Variants in TET1 observed in about 807,000 individuals in gnomAD.
TET1 encodes tet methylcytosine dioxygenase 1, also known as methylcytosine dioxygenase TET1.
TET1 carries 13 observed loss-of-function variants against 148.7 expected under a neutral mutation model. That is an observed-to-expected ratio of 0.09 (90% confidence interval 0.06 to 0.14). TET1 has a LOEUF of 0.14. Ranked by LOEUF, TET1 falls within the 10% of genes least tolerant of loss-of-function variation. TET1 has a pLI of 1.00. For missense variants in TET1, 2,182 were observed against 2,553.8 expected, an observed-to-expected ratio of 0.85 and a Z score of 3.14; for synonymous variants, 907 against 937.2, an observed-to-expected ratio of 0.97 and a Z score of 0.59.
chr10:68,657,782 T>G (rs1192836723), intron 6 of TET1, among the ~76,000 whole-genome samples: 2 of 149,184 alleles, frequency 1.3e-5, no homozygotes, highest in African/African-American at 4.9e-5. Context: ...ACGCTTAAAC[T>G]TTAGGTAGAG....
chr10:68,566,824 T>TC (rs386361899), intron 1 of TET1, among the ~76,000 whole-genome samples: 28,283 of 82,800 alleles, frequency 0.34, 3,061 homozygotes, highest in Non-Finnish European at 0.47. Flanking sequence ...TCTCTCTCTC[T>TC]TTTTTTTTTT....
chr10:68,683,558 G>A (rs1280789014), intron 10 of TET1, among the ~76,000 whole-genome samples: 1 of 152,028 alleles, frequency 6.6e-6, no homozygotes, highest in Non-Finnish European at 1.5e-5. Context: ...GATTACAGGT[G>A]TGAGTCACCA....
chr10:68,619,670 TTAAA>T (rs942997889), intron 3 of TET1, among the ~76,000 whole-genome samples: 4 of 152,194 alleles, frequency 2.6e-5, no homozygotes, highest in African/African-American at 9.6e-5. Flanking sequence ...ATTTATCACC[TTAAA>T]TAACTTATGG....
chr10:68,590,403 A>G (rs1564956277), intron 2 of TET1, among the ~76,000 whole-genome samples: 1 of 151,866 alleles, frequency 6.6e-6, no homozygotes, highest in South Asian at 2.1e-4. Flanking sequence ...AATTGTTGGG[A>G]TTACAGGCAT....
chr10:68,693,027 G>A lies in TET1; in HGVS notation c.*1213G>A, dbSNP rs190935650. On this transcript the variant is annotated 3_prime_UTR_variant, in exon 12 of 12. Coordinates refer to ENST00000373644, the MANE Select transcript of TET1 (RefSeq NM_030625.3). ...CCCCAACCCCAAGTCAAAAACAAGA[G>A]GAATGGTACTACAAACATGGCTTTG... 7.2e-4 allele frequency: 166 copies of A among 230,210 alleles called. No individual in the cohort carries two copies. Among genetic ancestry groups the A allele is most frequent in the African/African-American group, 3.5e-3 (155 of 44,708 alleles). The allele number at this position is 230,210 out of a possible 1,614,324, so 14.3% of individuals were successfully genotyped here.
rs969144814 is a variant in TET1, at chr10:68,579,159, C to T, written c.1914+4907C>T. Among the ~76,000 whole-genome samples the T allele has an allele frequency of 2.6e-5, 4 of 152,324 alleles. No homozygotes were observed. In the East Asian group the frequency reaches 7.7e-4, roughly 29 times the overall value. On this transcript the variant is annotated intron_variant, in intron 2 of 11. Coordinates refer to ENST00000373644, the MANE Select transcript of TET1 (RefSeq NM_030625.3). ...AGCAATATCTCTAGTAGAGAGACCT[C>T]CCTTGTAAGTTACTGGTTTGTAGCA... is the stretch of plus-strand genomic sequence containing the variant.
chr10:68,575,213 A>G (rs2053714546), intron 2 of TET1, among the ~76,000 whole-genome samples: 6 of 151,964 alleles, frequency 3.9e-5, no homozygotes. Flanking sequence ...GTGAAACCCC[A>G]TCTCTACTAA....
intron 3 of TET1, among the ~76,000 whole-genome samples, chr10:68,639,469 T>C (rs3085658): frequency 0.031 from 4,539 of 148,296 alleles, 235 homozygotes; most frequent in African/African-American, 0.11. Flanking sequence ...ACTACTACTA[T>C]TATTATTATT....
chr10:68,643,857 A>G (rs575056173), intron 3 of TET1, among the ~76,000 whole-genome samples: 3 of 152,278 alleles, frequency 2.0e-5, no homozygotes, highest in South Asian at 4.1e-4. Context: ...AATAAATAAA[A>G]TAGATATTGC....
intron 6 of TET1, among the ~76,000 whole-genome samples, chr10:68,663,828 G>A (rs1251003834): frequency 6.6e-6 from 1 of 152,178 alleles, no homozygotes; most frequent in African/African-American, 2.4e-5. Context: ...TTTCCTATAT[G>A]CATGTGACAT....
intron 3 of TET1, among the ~76,000 whole-genome samples, chr10:68,637,179 AGT>A (rs2054665531): frequency 6.6e-6 from 1 of 151,912 alleles, no homozygotes; most frequent in Non-Finnish European, 1.5e-5. Flanking sequence ...TTGTGTTTTT[AGT>A]AGAGATGGGT....
At chr10:68,631,604 T>C (rs2054573096) in intron 3 of TET1, among the ~76,000 whole-genome samples, 1 of 152,120 alleles carries the variant, frequency 6.6e-6, no homozygotes, top group Admixed American at 6.6e-5. Flanking sequence ...GACCTGCTTG[T>C]TATTGCCTGT....
intron 8 of TET1, among the ~76,000 whole-genome samples, chr10:68,680,237 A>G (rs995078795): frequency 6.6e-6 from 1 of 152,260 alleles, no homozygotes; most frequent in Admixed American, 6.5e-5. Flanking sequence ...CAATTGATTC[A>G]TATAATGGTC....
intron 6 of TET1, among the ~76,000 whole-genome samples, chr10:68,654,529 A>G (rs1330181448): frequency 6.6e-6 from 1 of 152,126 alleles, no homozygotes; most frequent in Non-Finnish European, 1.5e-5. Context: ...AGGCAGGAGA[A>G]TTGCTTGAAC....
At chr10:68,563,242 C>T (rs551058898) in intron 1 of TET1, among the ~76,000 whole-genome samples, 1 of 152,248 alleles carries the variant, frequency 6.6e-6, no homozygotes, top group South Asian at 2.1e-4. Flanking sequence ...AGTGAGTTTC[C>T]CTGAACAGCT....
chr10:68,588,319 A>C (rs1428765232), intron 2 of TET1, among the ~76,000 whole-genome samples: 2 of 152,242 alleles, frequency 1.3e-5, no homozygotes, highest in Non-Finnish European at 2.9e-5. Flanking sequence ...TATAGCATTA[A>C]GAACTCACAT....
At chr10:68,625,082 C>T (rs909691973) in intron 3 of TET1, among the ~76,000 whole-genome samples, 3 of 152,078 alleles carry the variant, frequency 2.0e-5, no homozygotes, top group African/African-American at 7.2e-5. Flanking sequence ...AATTTTCTTC[C>T]CTTTTAGTAG....
At position 68,645,043 on chromosome 10, in the gene TET1, G is replaced by A; in HGVS notation, c.2314G>A (p.Val772Ile). 4 of 1,613,114 alleles carry A rather than the reference G, an allele frequency of 2.5e-6. No individual in the cohort carries two copies. The highest frequency in any genetic ancestry group is 3.4e-6 in the Non-Finnish European group (4 of 1,179,712). The change falls in exon 4 of 12, where the codon GTT becomes ATT. Residue 772 changes from valine to isoleucine, a missense_variant. By Grantham distance (29) the Val-to-Ile change is conservative. Transcript: ENST00000373644. Reference sequence around the variant, plus strand: ...ACACTGTTTACCAGCTGAAACAAATGTTTCATTTAAAAAATTCAATATTGA... The same window carrying A: ...ACACTGTTTACCAGCTGAAACAAATATTTCATTTAAAAAATTCAATATTGA... ...HVHCLPAETN[V>I]SFKKFNIEEF...
At chr10:68,647,837 A>G (rs1259681254) in intron 4 of TET1, among the ~76,000 whole-genome samples, 1 of 152,140 alleles carries the variant, frequency 6.6e-6, no homozygotes. Flanking sequence ...TTCAGTGTCT[A>G]GTGCTTTTAC....
Sources: gnomAD v4.1 joint callset for allele counts (sites outside exome capture counted in the v4.1 genomes callset) on GRCh38, gnomAD v4.1.1 for gene constraint, MANE v1.5 for transcripts, NCBI Gene and HGNC (gene_info 2026-07-23, HGNC 2026-07-21) for gene names.